The following CTNNA2 variants were observed in gnomAD, a reference collection of about 807,000 sequenced individuals.
CTNNA2 encodes the protein catenin alpha-2.
CTNNA2 carries 42 observed loss-of-function variants against 101.0 expected under a neutral mutation model. That is an observed-to-expected ratio of 0.42 (90% CI 0.32 to 0.54). The LOEUF is 0.54. CTNNA2 is among the 20% of genes least tolerant of loss of function. The pLI is 0.14. For synonymous variants in CTNNA2, 450 were observed against 456.4 expected (o/e 0.99, Z 0.18); for missense variants, 871 against 1,223.1 (o/e 0.71, Z 4.29).
intron 1 of CTNNA2, among the ~76,000 whole-genome samples, chr2:79,525,022 T>C (rs79814805): frequency 0.047 from 7,217 of 152,042 alleles, 552 homozygotes; most frequent in African/African-American, 0.16. Context: ...ATTATGCTAA[T>C]GCCTGTGATA....
intron 7 of CTNNA2, among the ~76,000 whole-genome samples, chr2:80,084,867 G>A (rs1699349143): frequency 6.6e-6 from 1 of 152,076 alleles, no homozygotes; most frequent in Non-Finnish European, 1.5e-5. Context: ...AAAAAATTGT[G>A]AAGGCTAGTT....
intron 2 of CTNNA2, among the ~76,000 whole-genome samples, chr2:79,293,794 A>C (rs1398191591): frequency 6.6e-6 from 1 of 152,176 alleles, no homozygotes; most frequent in East Asian, 1.9e-4. Context: ...AAATAAAATA[A>C]AAGTAAGAAT....
chr2:80,203,532 A>G (rs551816676), intron 7 of CTNNA2, among the ~76,000 whole-genome samples: 2 of 152,306 alleles, frequency 1.3e-5, no homozygotes, highest in East Asian at 1.9e-4. Context: ...TTTTGACTCC[A>G]TGTCTCACAT....
In CTNNA2 at chr2:80,544,528, T is replaced by C. The variant is rs111608627; in HGVS notation, c.1291-454T>C. Among the ~76,000 whole-genome samples the C allele has an allele frequency of 8.5e-5, 13 of 152,248 alleles. 1 individual carries two copies. The highest frequency in any genetic ancestry group is 3.1e-4 in the African/African-American group (13 of 41,556). ...AAAATTTTCAGGCAGATCGGGTATT[T>C]TGGGGGCAGGGCACCATAATTGTCA... On this transcript the variant is annotated intron_variant, in intron 9 of 18. Coordinates refer to ENST00000402739, the MANE Select transcript of CTNNA2 (RefSeq NM_001282597.3).
chr2:79,591,062 T>C (rs1676814272), intron 1 of CTNNA2, among the ~76,000 whole-genome samples: 1 of 152,208 alleles, frequency 6.6e-6, no homozygotes, highest in Admixed American at 6.5e-5. Flanking sequence ...TATCTTTATG[T>C]TGGTGTACAA....
intron 2 of CTNNA2, among the ~76,000 whole-genome samples, chr2:79,279,669 C>A (rs190598988): frequency 6.6e-6 from 1 of 152,146 alleles, no homozygotes; most frequent in Admixed American, 6.5e-5. Flanking sequence ...AAAATGACTG[C>A]TTTTTTGATT....
At chr2:79,570,258 GC>G (rs1445467131) in intron 1 of CTNNA2, among the ~76,000 whole-genome samples, 2 of 152,100 alleles carry the variant, frequency 1.3e-5, no homozygotes, top group Admixed American at 1.3e-4. Flanking sequence ...TCCTCTTGCA[GC>G]CAGTTTTCTC....
chr2:80,342,468 A>G (rs571953938), intron 7 of CTNNA2, among the ~76,000 whole-genome samples: 1 of 152,334 alleles, frequency 6.6e-6, no homozygotes, highest in Non-Finnish European at 1.5e-5. Context: ...GTGTCGTCAG[A>G]TTGGCTTTGC....
intron 7 of CTNNA2, among the ~76,000 whole-genome samples, chr2:80,348,518 G>C (rs1437035892): frequency 2.6e-5 from 4 of 152,086 alleles, no homozygotes; most frequent in Non-Finnish European, 5.9e-5. Flanking sequence ...GTTGAACTTG[G>C]CATTTGAAAA....
At chr2:80,274,583 T>G (rs978239038) in intron 7 of CTNNA2, among the ~76,000 whole-genome samples, 1 of 152,218 alleles carries the variant, frequency 6.6e-6, no homozygotes, top group African/African-American at 2.4e-5. Flanking sequence ...CCTAAAGAAC[T>G]AATCAAGCCG....
At chr2:80,510,236 A>G (rs890585064) in intron 9 of CTNNA2, among the ~76,000 whole-genome samples, 1 of 152,130 alleles carries the variant, frequency 6.6e-6, no homozygotes, top group Non-Finnish European at 1.5e-5. Context: ...ACCCCACAAA[A>G]CACCATACAG....
intron 4 of CTNNA2, among the ~76,000 whole-genome samples, chr2:79,407,734 A>G (rs1678355264): frequency 6.6e-6 from 1 of 151,978 alleles, no homozygotes; most frequent in Non-Finnish European, 1.5e-5. Flanking sequence ...AGACTGAAAG[A>G]CAGCTTTCCA....
At chr2:79,777,892 GTT>G (rs58015801) in intron 3 of CTNNA2, among the ~76,000 whole-genome samples, 5 of 139,762 alleles carry the variant, frequency 3.6e-5, no homozygotes, top group Non-Finnish European at 4.7e-5. Context: ...TTTGCATGGG[GTT>G]TTTTTTTTTT....
chr2:79,268,173 G>A (rs1170367635), intron 2 of CTNNA2, among the ~76,000 whole-genome samples: 2 of 152,138 alleles, frequency 1.3e-5, no homozygotes, highest in South Asian at 4.1e-4. Flanking sequence ...CAGGCATGAT[G>A]AGATTGCAGA....
chr2:79,544,304 TAG>T (rs1256558403), intron 1 of CTNNA2, among the ~76,000 whole-genome samples: 1 of 152,190 alleles, frequency 6.6e-6, no homozygotes, highest in Non-Finnish European at 1.5e-5. Flanking sequence ...AGGTTAAGTC[TAG>T]AGAAGTCAGT....
At chr2:80,212,477 A>G (rs183257997) in intron 7 of CTNNA2, among the ~76,000 whole-genome samples, 184 of 152,250 alleles carry the variant, frequency 1.2e-3, no homozygotes, top group Middle Eastern at 3.4e-3. Flanking sequence ...TGAGATAATC[A>G]TGTGGTTTTT....
At chr2:80,396,149 G>T (rs1204333958) in intron 8 of CTNNA2, among the ~76,000 whole-genome samples, 1 of 152,144 alleles carries the variant, frequency 6.6e-6, no homozygotes, top group Non-Finnish European at 1.5e-5. Flanking sequence ...GGTTTAAGTG[G>T]AATTTTCAGG....
chr2:79,570,952 G>T (rs1234942713), intron 1 of CTNNA2, among the ~76,000 whole-genome samples: 1 of 152,130 alleles, frequency 6.6e-6, no homozygotes. Context: ...AAAGTGATGT[G>T]CCTGCTATTG....
chr2:80,381,666 A>G (rs762739673), intron 7 of CTNNA2, among the ~76,000 whole-genome samples: 13 of 152,122 alleles, frequency 8.5e-5, no homozygotes, highest in Admixed American at 5.9e-4. Flanking sequence ...CTAGGATGCA[A>G]AGAGTCCTTG....
Sources: allele counts gnomAD v4.1 joint callset (sites outside exome capture counted in the v4.1 genomes callset), GRCh38; gene constraint gnomAD v4.1.1; transcripts MANE v1.5; gene names NCBI Gene and HGNC (gene_info 2026-07-23, HGNC 2026-07-21).